The following LONRF3 variants were observed in gnomAD, a reference collection of about 807,000 sequenced individuals.
LONRF3 encodes the protein LON peptidase N-terminal domain and ring finger 3.
A neutral mutation model predicts 51.7 loss-of-function variants in LONRF3; 19 were observed. The ratio of observed to expected loss-of-function variants is 0.37; its 90% CI spans 0.26 to 0.54. The LOEUF is 0.54. Ranked by LOEUF, LONRF3 falls within the 20% of genes least tolerant of loss-of-function variation. The pLI, the probability that LONRF3 is intolerant of heterozygous loss-of-function variation, is 0.86. For synonymous variants in LONRF3, 265 were observed against 257.8 expected, an observed-to-expected ratio of 1.03 and a Z score of -0.27; for missense variants, 521 against 623.9, an observed-to-expected ratio of 0.84 and a Z score of 1.76.
chrX:118,979,980 T>A (rs1028425386), intron 2 of LONRF3, among the ~76,000 whole-genome samples: 1 of 112,290 alleles, frequency 8.9e-6, no homozygotes, highest in African/African-American at 3.2e-5. Context: ...TTGCAAACCA[T>A]GGGGAGGTGG....
intron 9 of LONRF3, among the ~76,000 whole-genome samples, chrX:119,013,789 G>A (rs1020439147): frequency 8.9e-6 from 1 of 111,895 alleles, no homozygotes; most frequent in Non-Finnish European, 1.9e-5. Flanking sequence ...TGATGACTGA[G>A]TAAATGTGTT....
At chrX:118,990,397 T>G in intron 4 of LONRF3, 73 bp from the exon 5 acceptor site, 1 of 802,922 alleles carries the variant, frequency 1.2e-6, no homozygotes, top group Non-Finnish European at 1.9e-6. Context: ...CGCATTGGAT[T>G]ATTTTGCCTC....
In LONRF3 at chrX:118,975,081, G is replaced by A; in HGVS notation, c.301G>A (p.Ala101Thr). 1.0e-5 allele frequency: 12 copies of A among 1,173,637 alleles called. No homozygotes were observed. The highest frequency in any genetic ancestry group is 1.3e-5 in the Non-Finnish European group (11 of 876,858). ...RQLSERQQLV[A>T]EQLEQLVRCL... The stretch of plus-strand genomic sequence containing the variant: ...GCTCTCCGAGCGGCAGCAGCTGGTG[G>A]CTGAGCAGCTGGAGCAGCTGGTGCG... Residue 101 changes from alanine to threonine, a missense_variant, in exon 1 of 11, where the codon GCT becomes ACT. Ala to Thr is a moderately conservative substitution (Grantham distance 58). This residue lies in a region of LONRF3 where 376 missense variants were observed against 376.7 expected (regional missense o/e 1.00). Coordinates refer to ENST00000371628, the MANE Select transcript of LONRF3 (RefSeq NM_001031855.3).
chrX:119,008,565 T>C (rs761420555), intron 6 of LONRF3, among the ~76,000 whole-genome samples: 6 of 111,993 alleles, frequency 5.4e-5, no homozygotes, highest in Non-Finnish European at 1.1e-4. Flanking sequence ...ATTTAGCTGT[T>C]TGTGTTTTTT....
chrX:118,976,710 G>A (rs1380683331), intron 1 of LONRF3: 1 of 113,243 alleles, frequency 8.8e-6, no homozygotes, highest in Non-Finnish European at 1.9e-5. Context: ...GACCCACCAC[G>A]CCTGGACCCA....
At chrX:119,002,359 G>T (rs1035474700) in intron 5 of LONRF3, among the ~76,000 whole-genome samples, 2 of 111,935 alleles carry the variant, frequency 1.8e-5, no homozygotes, top group Admixed American at 9.5e-5. Context: ...CTATGTAAAA[G>T]CTTTATATAA....
intron 3 of LONRF3, among the ~76,000 whole-genome samples, chrX:118,987,599 C>T (rs148847602): frequency 0.027 from 2,889 of 108,787 alleles, 40 homozygotes; most frequent in South Asian, 0.074. Context: ...TAGATCCAGC[C>T]GAGAGAGATT....
At chrX:119,003,675 C>T (rs1039567920) in intron 5 of LONRF3, among the ~76,000 whole-genome samples, 4 of 112,486 alleles carry the variant, frequency 3.6e-5, no homozygotes, top group African/African-American at 1.3e-4. Flanking sequence ...CCTCCCACAT[C>T]GTTGCTCTTC....
intron 5 of LONRF3, among the ~76,000 whole-genome samples, chrX:118,994,505 C>T (rs112760745): frequency 1.4e-3 from 160 of 110,448 alleles, no homozygotes; most frequent in African/African-American, 4.9e-3. Flanking sequence ...CGGGTTCAAG[C>T]GATTCTCCTG....
chrX:119,016,010 T>C (rs1366442918), intron 10 of LONRF3, among the ~76,000 whole-genome samples: 1 of 112,042 alleles, frequency 8.9e-6, no homozygotes, highest in Non-Finnish European at 1.9e-5. Flanking sequence ...AGGGAGAGCA[T>C]ATTGCCAGCT....
chrX:118,984,169 A>G (rs1027764501), intron 3 of LONRF3, among the ~76,000 whole-genome samples: 1 of 112,391 alleles, frequency 8.9e-6, no homozygotes, highest in African/African-American at 3.2e-5. Flanking sequence ...GTTACAGGTG[A>G]GACAGATGAA....
At chrX:118,990,687 C>A in intron 5 of LONRF3, 127 bp downstream of exon 5, 1 of 505,468 alleles carries the variant, frequency 2.0e-6, no homozygotes, top group Non-Finnish European at 3.4e-6. Context: ...GAATGGAAAT[C>A]ACAACGTTGA....
chrX:118,982,996 T>C (rs1569475508), intron 3 of LONRF3, 53 bp downstream of exon 3: 2 of 1,169,813 alleles, frequency 1.7e-6, no homozygotes, highest in East Asian at 6.1e-5. Context: ...CCCCTCTCTG[T>C]CTTATCTAGG....
Position 118,974,740 on chromosome X carries a change from C to A in LONRF3, c.-41C>A. The stretch of plus-strand genomic sequence containing the variant: ...GCTGCCACTCCTTGCTTCGTGTCCC[C>A]GGTCCCTAGACGCCTCGTCTCCTCC... On this transcript the variant is annotated 5_prime_UTR_variant, in exon 1 of 11. Coordinates refer to ENST00000371628, the MANE Select transcript of LONRF3 (RefSeq NM_001031855.3). 2 of 1,081,937 alleles carry A rather than the reference C, an allele frequency of 1.8e-6. No individual in the cohort carries two copies. The highest frequency in any genetic ancestry group is 2.5e-6 in the Non-Finnish European group (2 of 811,385). The allele number at this position is 1,081,937 out of a possible 1,213,427, so 89.2% of individuals were successfully genotyped here. A position where few individuals can be genotyped will look rare whatever the true frequency, so the allele number is the denominator to read the frequency against.
intron 6 of LONRF3, among the ~76,000 whole-genome samples, chrX:119,007,579 C>T (rs1924821167): frequency 1.8e-5 from 2 of 112,261 alleles, no homozygotes; most frequent in Admixed American, 1.9e-4. Flanking sequence ...TTCCTTGACC[C>T]CTGTCATTCC....
chrX:119,006,110 C>T lies in LONRF3; in HGVS notation c.1416-11C>T. The T allele has an allele frequency of 9.1e-7, 1 of 1,094,479 alleles. No homozygotes were observed. Among genetic ancestry groups the T allele is most frequent in the Non-Finnish European group, 1.2e-6 (1 of 807,138 alleles). The allele number at this position is 1,094,479 out of a possible 1,213,427, so 90.2% of individuals were successfully genotyped here. On this transcript the variant is annotated splice_polypyrimidine_tract_variant and intron_variant, in intron 5 of 10. Transcript: ENST00000371628. ...TTGCAGTTTTCTTCCATTTTGATTC[C>T]TAAATTTCAGATTATTCTATGAGCC...
rs769161849 is a variant in LONRF3 at position 118,997,586 on chromosome X, AG to A, written c.1415+7027del. On this transcript the variant is annotated intron_variant, in intron 5 of 10. Transcript: ENST00000371628. ...AGGATTTCATGACCGAGAACCGAAA[AG>A]CAAATGCAATAAAAACAAAGATAAA... is the stretch of plus-strand genomic sequence containing the variant. Among the ~76,000 whole-genome samples the A allele has an allele frequency of 3.3e-3, 371 of 112,747 alleles. 2 individuals are homozygous for A. Among genetic ancestry groups the A allele is most frequent in the Non-Finnish European group, 6.1e-3 (327 of 53,341 alleles).
intron 10 of LONRF3, 103 bp downstream of exon 10, chrX:119,014,459 C>T (rs1925309029): frequency 3.9e-6 from 3 of 766,732 alleles, no homozygotes; most frequent in Non-Finnish European, 5.6e-6. Flanking sequence ...ACATCGAATG[C>T]AGAGAGGAAG....
Position 119,014,314 on chromosome X carries a change from C to A in LONRF3, c.2082C>A (p.Leu694=). The change falls in exon 10 of 11, where the codon CTC becomes CTA. Residue 694 remains leucine, a synonymous_variant. Transcript: ENST00000371628. ...AATTATCCCTAAAGAATCGGATACT[C>A]AATCACTTTGGTCCCATGCCGGAGA... ...SLKLSLKNRI[L]NHFGPMPEKD... is the part of the protein sequence containing the mutation. 3 of 1,210,833 alleles carry A rather than the reference C, an allele frequency of 2.5e-6. No individual in the cohort carries two copies. The Middle Eastern group carries it at 6.9e-4, about 278-fold the overall frequency.
Sources: gnomAD v4.1 joint callset for allele counts (sites outside exome capture counted in the v4.1 genomes callset) on GRCh38, gnomAD v4.1.1 for gene constraint, gnomAD v4.1.1 regional missense constraint, MANE v1.5 for transcripts, NCBI Gene and HGNC (gene_info 2026-07-23, HGNC 2026-07-21) for gene names.